The following RAP1GAP variants were observed in gnomAD, a reference collection of about 807,000 sequenced individuals.
RAP1GAP encodes rap1 GTPase-activating protein 1.
RAP1GAP carries 35 observed loss-of-function variants against 87.2 expected under a neutral mutation model. The observed-to-expected ratio is 0.40, with a 90% CI of 0.31 to 0.53. The LOEUF (loss-of-function observed/expected upper bound fraction) is 0.53. Among genes scored for constraint, RAP1GAP ranks in the 20% least tolerant of loss-of-function variants. The pLI, the probability that RAP1GAP is intolerant of heterozygous loss-of-function variation, is 0.48. For missense variants in RAP1GAP, 734 were observed against 898.9 expected (o/e 0.82, Z 2.35); for synonymous variants, 375 against 363.9 (o/e 1.03, Z -0.35).
chr1:21,641,074 A>ATTTTTTT (rs546229041), intron 2 of RAP1GAP, among the ~76,000 whole-genome samples: 3 of 132,134 alleles, frequency 2.3e-5, no homozygotes, highest in African/African-American at 2.9e-5. Context: ...CGCCCAGCTA[A>ATTTTTTT]TTTTTTTTTT....
In RAP1GAP at chr1:21,613,099, C is replaced by T; in HGVS notation, c.528+77G>A. Reference sequence around the variant, plus strand: ...GAACCTTGGGAAAGTATCTGGCACACAGAAGGTGCTTAATAAATGCTCAGT... The same window carrying T: ...GAACCTTGGGAAAGTATCTGGCACATAGAAGGTGCTTAATAAATGCTCAGT... On this transcript the variant is annotated intron_variant, in intron 10 of 24. Transcript: ENST00000374765. This position sits in a 1 kb window ranked among gnomAD's most constrained non-coding sequence, Gnocchi z 4.7. 7.1e-7 allele frequency: 1 copy of T among 1,411,626 alleles called. No individual in the cohort carries two copies. Among genetic ancestry groups the T allele is most frequent in the East Asian group, 2.3e-5 (1 of 43,678 alleles). The allele number at this position is 1,411,626 out of a possible 1,614,324, so 87.4% of individuals were successfully genotyped here. A position where few individuals can be genotyped will look rare whatever the true frequency, so the allele number is the denominator to read the frequency against.
At chr1:21,618,494 C>T (rs944668398) in intron 5 of RAP1GAP, among the ~76,000 whole-genome samples, 2 of 152,186 alleles carry the variant, frequency 1.3e-5, no homozygotes, top group African/African-American at 2.4e-5. Context: ...GAGCCTCCCC[C>T]TCATCTCGCT....
chr1:21,625,998 T>C (rs1433038513), intron 3 of RAP1GAP, among the ~76,000 whole-genome samples: 3 of 152,178 alleles, frequency 2.0e-5, no homozygotes, highest in Non-Finnish European at 4.4e-5. Flanking sequence ...ATAAGGAGAC[T>C]GATGGTGACG....
intron 1 of RAP1GAP, chr1:21,651,762 G>C (rs769106614): frequency 2.1e-6 from 3 of 1,428,892 alleles, no homozygotes; most frequent in South Asian, 1.4e-5. Flanking sequence ...CCCGCCCCGC[G>C]CCGCGCCACG....
At chr1:21,650,359 T>C (rs1300439042) in intron 1 of RAP1GAP, among the ~76,000 whole-genome samples, 4 of 151,958 alleles carry the variant, frequency 2.6e-5, no homozygotes, top group Non-Finnish European at 5.9e-5. Flanking sequence ...CCCTGCTCCC[T>C]AAGACTTCAG....
chr1:21,608,435 C>T, intron 16 of RAP1GAP, 85 bp from the exon 17 acceptor site: 1 of 1,521,692 alleles, frequency 6.6e-7, no homozygotes, highest in Non-Finnish European at 8.8e-7. Context: ...CCTTCTGAGG[C>T]ACGGGCCACC....
At chr1:21,597,879 G>A in intron 23 of RAP1GAP, 82 bp downstream of exon 23, 1 of 1,498,970 alleles carries the variant, frequency 6.7e-7, no homozygotes, top group Non-Finnish European at 9.1e-7. Flanking sequence ...TCTTGGTCGA[G>A]CCTCAGCTCC....
chr1:21,636,895 A>AGGAAGGAG (rs1451080369), intron 2 of RAP1GAP, among the ~76,000 whole-genome samples: 4 of 128,916 alleles, frequency 3.1e-5, no homozygotes, highest in African/African-American at 1.1e-4. Flanking sequence ...GAAAGAAGGA[A>AGGAAGGAG]GGAAGGAGGG....
chr1:21,624,937 G>A (rs1190612355), intron 3 of RAP1GAP, among the ~76,000 whole-genome samples: 1 of 152,178 alleles, frequency 6.6e-6, no homozygotes, highest in Non-Finnish European at 1.5e-5. Context: ...AGAACCCAGG[G>A]CTCCTCCTGA....
chr1:21,651,919 C>G (rs1303566208), intron 1 of RAP1GAP: 15 of 948,300 alleles, frequency 1.6e-5, no homozygotes, highest in Admixed American at 6.1e-5. Flanking sequence ...CCCCCGCCCC[C>G]GCCCCAGCTC....
At chr1:21,616,279 G>A (rs1188839178) in intron 7 of RAP1GAP, among the ~76,000 whole-genome samples, 1 of 152,180 alleles carries the variant, frequency 6.6e-6, no homozygotes, top group Non-Finnish European at 1.5e-5. Context: ...GTCATTGTGT[G>A]ACCTTGACTA....
chr1:21,628,593 G>A (rs1185756306), intron 2 of RAP1GAP, among the ~76,000 whole-genome samples: 2 of 152,026 alleles, frequency 1.3e-5, no homozygotes, highest in Non-Finnish European at 2.9e-5. Flanking sequence ...GGTGGTGCAC[G>A]CCTATAGTCC....
Position 21,617,945 on chromosome 1 carries a change from T to C in RAP1GAP, c.94A>G (p.Ser32Gly). The change falls in exon 6 of 25, where the codon AGC becomes GGC. Residue 32 changes from serine to glycine, a missense_variant. Transcript: ENST00000374765. Reference protein sequence around the residue: ...KTEEDYIPYPSVHEVLGREGP... With the variant: ...KTEEDYIPYPGVHEVLGREGP... Reference sequence around the variant, plus strand: ...TTCTAGCTGAGTACCTCGTGCACGCTCGGGTATGGAATGTAGTCCTCCTCT... The same window carrying C: ...TTCTAGCTGAGTACCTCGTGCACGCCCGGGTATGGAATGTAGTCCTCCTCT... 6.2e-7 allele frequency: 1 copy of C among 1,614,060 alleles called. No homozygotes were observed. The highest frequency in any genetic ancestry group is 8.5e-7 in the Non-Finnish European group (1 of 1,179,996).
chr1:21,647,394 G>A (rs1341836072), intron 2 of RAP1GAP, among the ~76,000 whole-genome samples: 1 of 152,190 alleles, frequency 6.6e-6, no homozygotes, highest in African/African-American at 2.4e-5. Context: ...AACCCAGGAG[G>A]TGAAGGTTGC....
chr1:21,618,882 T>TC (rs376967408), intron 5 of RAP1GAP, 143 bp downstream of exon 5: 43 of 947,984 alleles, frequency 4.5e-5, no homozygotes, highest in East Asian at 2.4e-4. Context: ...AAGCTGTGCC[T>TC]CCCCCCCTAC....
At chr1:21,635,516 G>T (rs2094542502) in intron 2 of RAP1GAP, among the ~76,000 whole-genome samples, 1 of 152,194 alleles carries the variant, frequency 6.6e-6, no homozygotes, top group Non-Finnish European at 1.5e-5. Flanking sequence ...GAGCCCCAAA[G>T]ATACCTGCCT....
chr1:21,637,076 C>T (rs1048887756), intron 2 of RAP1GAP, among the ~76,000 whole-genome samples: 6 of 150,746 alleles, frequency 4.0e-5, no homozygotes, highest in Non-Finnish European at 5.9e-5. Flanking sequence ...GGTGTGGGAA[C>T]GGGAGGAGCG....
At chr1:21,606,026 C>T (rs765818308) in intron 18 of RAP1GAP, 40 bp downstream of exon 18, 3 of 1,548,876 alleles carry the variant, frequency 1.9e-6, no homozygotes, top group Non-Finnish European at 2.6e-6. Context: ...GAGGGCCCCC[C>T]AGGGAGGGGC....
At chr1:21,632,869 C>T (rs1228614928) in intron 2 of RAP1GAP, among the ~76,000 whole-genome samples, 1 of 152,150 alleles carries the variant, frequency 6.6e-6, no homozygotes, top group Non-Finnish European at 1.5e-5. Flanking sequence ...CACTGCATTC[C>T]AGCCCTGGCG....
Sources: allele counts gnomAD v4.1 joint callset (sites outside exome capture counted in the v4.1 genomes callset), GRCh38; gene constraint gnomAD v4.1.1; non-coding constraint Gnocchi (gnomAD v3.1); transcripts MANE v1.5; gene names NCBI Gene and HGNC (gene_info 2026-07-23, HGNC 2026-07-21).